DNAAF1: variants seen among roughly 807,000 people sequenced by gnomAD.
DNAAF1 encodes dynein axonemal assembly factor 1, also known as dynein assembly factor 1, axonemal.
DNAAF1 carries 65 observed loss-of-function variants against 71.1 expected under a neutral mutation model. The observed-to-expected ratio is 0.91, with a 90% CI of 0.75 to 1.12. The LOEUF (loss-of-function observed/expected upper bound fraction) is 1.12. Among genes scored for constraint, DNAAF1 ranks in the 50% most tolerant of loss-of-function variants. The pLI is 0.00. For missense variants in DNAAF1, 1,178 were observed against 899.8 expected, an observed-to-expected ratio of 1.31 and a Z score of -3.96; for synonymous variants, 414 against 354.6, an observed-to-expected ratio of 1.17 and a Z score of -1.88.
intron 9 of DNAAF1, chr16:84,172,794 T>G: frequency 9.4e-7 from 1 of 1,068,892 alleles, no homozygotes; most frequent in Non-Finnish European, 1.1e-6. Context: ...TTTTCCCCCC[T>G]CCGTGGACAC....
Position 84,148,596 on chromosome 16 carries a change from C to CTTTTTTTTTTTTTTTT in DNAAF1, c.125-408_125-393dup, listed in dbSNP as rs765676142. 7.8e-4 allele frequency among the ~76,000 whole-genome samples: 34 copies of CTTTTTTTTTTTTTTTT among 43,570 alleles called. 3 individuals carry two copies. The highest frequency in any genetic ancestry group is 1.2e-3 in the African/African-American group (13 of 10,862). The allele number at this position is 43,570 out of a possible 152,430, so 28.6% of individuals were successfully genotyped here. A position where few individuals can be genotyped will look rare whatever the true frequency, so the allele number is the denominator to read the frequency against. On this transcript the variant is annotated intron_variant, in intron 1 of 11. Transcript: ENST00000378553. Reference sequence around the variant, plus strand: ...AAAGATTACTGTTCTCTCTCTCTCTCTTTTTTTTTTTTTTTTTTGGTGAGA... The same window carrying CTTTTTTTTTTTTTTTT: ...AAAGATTACTGTTCTCTCTCTCTCTCTTTTTTTTTTTTTTTTTTTTTTTTTTTTTTTTTTGGTGAGA...
chr16:84,177,881 A>C lies in DNAAF1; in HGVS notation c.*40A>C. 6.6e-7 allele frequency: 1 copy of C among 1,503,798 alleles called. No individual in the cohort carries two copies. Among genetic ancestry groups the C allele is most frequent in the Non-Finnish European group, 9.3e-7 (1 of 1,079,638 alleles). The allele number at this position is 1,503,798 out of a possible 1,614,324, so 93.2% of individuals were successfully genotyped here. A position where few individuals can be genotyped will look rare whatever the true frequency, so the allele number is the denominator to read the frequency against. ...ATGTAGCATAAATGGTTTAATCATA[A>C]ATGTCTCCCTTAGGCATGATAAACA... On this transcript the variant is annotated 3_prime_UTR_variant, in exon 12 of 12. Transcript: ENST00000378553.
chr16:84,173,061 C>G, intron 9 of DNAAF1: 2 of 989,906 alleles, frequency 2.0e-6, no homozygotes, highest in Non-Finnish European at 2.4e-6. Context: ...CTGGGTACCT[C>G]TGACCTTATA....
chr16:84,147,261 T>G (rs1265694695), intron 1 of DNAAF1, among the ~76,000 whole-genome samples: 2 of 152,260 alleles, frequency 1.3e-5, no homozygotes, highest in Non-Finnish European at 2.9e-5. Flanking sequence ...ATTTATCTGT[T>G]GCTTCCTGTG....
chr16:84,161,986 G>A (rs949365393), intron 6 of DNAAF1, among the ~76,000 whole-genome samples: 1 of 152,158 alleles, frequency 6.6e-6, no homozygotes, highest in Non-Finnish European at 1.5e-5. Flanking sequence ...CTGGCATGTA[G>A]CAGGCAACAG....
intron 11 of DNAAF1, 196 bp downstream of exon 11, chr16:84,176,495 G>A (rs559054028): frequency 1.2e-5 from 10 of 850,230 alleles, no homozygotes; most frequent in African/African-American, 6.7e-5. Context: ...CTGGTAGCCA[G>A]CCTGGGCCAG....
At chr16:84,169,633 C>T (rs886601468) in intron 7 of DNAAF1, among the ~76,000 whole-genome samples, 2 of 152,016 alleles carry the variant, frequency 1.3e-5, no homozygotes, top group African/African-American at 2.4e-5. Flanking sequence ...GTTGGCCAGC[C>T]TGGTTTTGAA....
intron 8 of DNAAF1, 24 bp downstream of exon 8, chr16:84,170,380 A>G: frequency 6.2e-7 from 1 of 1,613,304 alleles, no homozygotes; most frequent in Non-Finnish European, 8.5e-7. Context: ...AGAAACACAC[A>G]CAGACACACA....
At chr16:84,174,282 G>A (rs1024783699) in intron 9 of DNAAF1, 1 of 1,099,134 alleles carries the variant, frequency 9.1e-7, no homozygotes. Flanking sequence ...TTTTGGGGAG[G>A]TACAAAATAT....
rs1346520874 is a variant in DNAAF1 at position 84,177,757 on chromosome 16, A to C, written c.2094A>C (p.Pro698=). The part of the protein sequence containing the change: ...PVPTESAATP[P]ETCVGVAQPS... ...CGACTGAGAGCGCCGCCACACCCCC[A>C]GAGACGTGTGTCGGAGTTGCCCAGC... is the stretch of plus-strand genomic sequence containing the variant. Residue 698 remains proline (P), a synonymous_variant, in exon 12 of 12, where the codon CCA becomes CCC. Transcript: ENST00000378553. 2 of 1,613,972 alleles carry C rather than the reference A, an allele frequency of 1.2e-6. No homozygotes were observed. Among genetic ancestry groups the C allele is most frequent in the South Asian group, 1.1e-5 (1 of 91,084 alleles).
intron 3 of DNAAF1, among the ~76,000 whole-genome samples, chr16:84,152,992 A>G (rs2087255013): frequency 6.6e-6 from 1 of 151,974 alleles, no homozygotes; most frequent in Admixed American, 6.6e-5. Flanking sequence ...GACATCCACT[A>G]ATTACAAGGT....
intron 1 of DNAAF1, among the ~76,000 whole-genome samples, chr16:84,145,786 G>C (rs1413137476): frequency 2.0e-5 from 3 of 152,152 alleles, no homozygotes; most frequent in Non-Finnish European, 2.9e-5. Flanking sequence ...GATAACCCTC[G>C]GCTAGTCAGT....
chr16:84,147,016 G>A (rs1416328436), intron 1 of DNAAF1, among the ~76,000 whole-genome samples: 1 of 152,166 alleles, frequency 6.6e-6, no homozygotes, highest in Non-Finnish European at 1.5e-5. Context: ...ATTGACACTG[G>A]GTTCAAGTTG....
chr16:84,172,476 G>C (rs2088415635), intron 9 of DNAAF1, 101 bp downstream of exon 9: 3 of 1,540,034 alleles, frequency 1.9e-6, no homozygotes, highest in Admixed American at 2.0e-5. Context: ...CCCAAGTGTG[G>C]TCCTTGGGCC....
At chr16:84,148,918 A>G (rs2087052851) in intron 1 of DNAAF1, 89 bp from the exon 2 acceptor site, 1 of 1,457,050 alleles carries the variant, frequency 6.9e-7, no homozygotes, top group Non-Finnish European at 9.6e-7. Context: ...TCTATACTAA[A>G]AGTGGATGGT....
At chr16:84,146,585 C>CA (rs2086922437) in intron 1 of DNAAF1, among the ~76,000 whole-genome samples, 1 of 152,080 alleles carries the variant, frequency 6.6e-6, no homozygotes. Context: ...GGCGTGGTGA[C>CA]GTGCTCCTGT....
At chr16:84,159,836 A>C in intron 6 of DNAAF1, 40 bp downstream of exon 6, 1 of 1,609,622 alleles carries the variant, frequency 6.2e-7, no homozygotes, top group Non-Finnish European at 8.5e-7. Flanking sequence ...TTTAATATTT[A>C]GTAGTTGACC....
At position 84,166,086 on chromosome 16, in the gene DNAAF1, C is replaced by T. The variant is rs2087971722; in HGVS notation, c.1030+137C>T. 8 of 1,227,730 alleles carry T rather than the reference C, an allele frequency of 6.5e-6. No homozygotes were observed. The East Asian group carries it at 1.9e-4, about 28-fold the overall frequency. The allele number at this position is 1,227,730 out of a possible 1,614,324, so 76.1% of individuals were successfully genotyped here. On this transcript the variant is annotated intron_variant, in intron 7 of 11. Transcript: ENST00000378553. Reference sequence around the variant, plus strand: ...TTTTAGACAGAGTCTTGCTCTGTCACTGAGGTTGCAAAGTTGGAGTGCAGC... The same window carrying T: ...TTTTAGACAGAGTCTTGCTCTGTCATTGAGGTTGCAAAGTTGGAGTGCAGC...
At chr16:84,174,838 GA>G in intron 10 of DNAAF1, 116 bp downstream of exon 10, 1 of 1,281,460 alleles carries the variant, frequency 7.8e-7, no homozygotes, top group South Asian at 1.2e-5. Context: ...ATAAAGCATT[GA>G]ATTCCCCCAT....
Sources: gnomAD v4.1 joint callset for allele counts (sites outside exome capture counted in the v4.1 genomes callset) on GRCh38, gnomAD v4.1.1 for gene constraint, MANE v1.5 for transcripts, NCBI Gene and HGNC (gene_info 2026-07-23, HGNC 2026-07-21) for gene names.